SLIT3: variants seen among roughly 807,000 people sequenced by gnomAD.
SLIT3 encodes slit guidance ligand 3, also known as slit homolog 3 protein.
SLIT3 carries 68 observed loss-of-function variants against 184.0 expected under a neutral mutation model. The ratio of observed to expected loss-of-function variants is 0.37; its 90% confidence interval spans 0.30 to 0.45. The LOEUF is 0.45. Among genes scored for constraint, SLIT3 ranks in the 20% least tolerant of loss-of-function variants. The probability of loss-of-function intolerance (pLI) is 1.00; values close to 1 mark genes in which losing one functional copy is unlikely to be tolerated. For missense variants in SLIT3, 1,707 were observed against 2,026.0 expected (o/e 0.84, Z 3.02); for synonymous variants, 831 against 828.6 (o/e 1.00, Z -0.05).
chr5:168,752,089 C>T (rs551125378), intron 18 of SLIT3, among the ~76,000 whole-genome samples: 13 of 152,288 alleles, frequency 8.5e-5, no homozygotes, highest in African/African-American at 3.1e-4. Context: ...TACTTAAGGT[C>T]TACTTAAAGG....
intron 3 of SLIT3, among the ~76,000 whole-genome samples, chr5:169,233,202 AC>A (rs1765068786): frequency 6.6e-6 from 1 of 151,692 alleles, no homozygotes; most frequent in African/African-American, 2.4e-5. Context: ...ATTTTTTATT[AC>A]TAGTAGAGAT....
intron 6 of SLIT3, among the ~76,000 whole-genome samples, chr5:168,832,590 C>T (rs1040651087): frequency 1.3e-5 from 2 of 152,156 alleles, no homozygotes; most frequent in African/African-American, 4.8e-5. Context: ...AACACAATTG[C>T]CTACGGGAGT....
intron 16 of SLIT3, among the ~76,000 whole-genome samples, chr5:168,759,742 G>A (rs1048872241): frequency 1.2e-4 from 18 of 152,168 alleles, no homozygotes; most frequent in African/African-American, 4.1e-4. Context: ...GGCACGGAGA[G>A]TCTTGACTTT....
chr5:168,684,801 A>C (rs914375259), intron 31 of SLIT3, among the ~76,000 whole-genome samples: 3 of 152,072 alleles, frequency 2.0e-5, no homozygotes, highest in African/African-American at 7.2e-5. Flanking sequence ...GCTAACAATG[A>C]TAATTAATTC....
chr5:169,215,908 C>T (rs919228168), intron 3 of SLIT3, among the ~76,000 whole-genome samples: 3 of 152,284 alleles, frequency 2.0e-5, no homozygotes, highest in East Asian at 1.9e-4. Context: ...TGGAGTACCA[C>T]TCTTTTAAAC....
At chr5:169,249,142 G>A (rs1471662134) in intron 2 of SLIT3, among the ~76,000 whole-genome samples, 1 of 152,180 alleles carries the variant, frequency 6.6e-6, no homozygotes, top group Non-Finnish European at 1.5e-5. Flanking sequence ...GAAAAATATG[G>A]TAAAAATGTC....
intron 20 of SLIT3, among the ~76,000 whole-genome samples, chr5:168,745,510 C>T (rs1290455282): frequency 6.6e-6 from 1 of 151,888 alleles, no homozygotes; most frequent in Admixed American, 6.6e-5. Flanking sequence ...CTCCCAGGTT[C>T]AAGCCATTCT....
Position 168,921,548 on chromosome 5 carries a change from T to G in SLIT3, c.414-38212A>C, listed in dbSNP as rs546470317. 2.0e-5 allele frequency among the ~76,000 whole-genome samples: 3 copies of G among 152,340 alleles called. No individual in the cohort carries two copies. The South Asian group carries it at 6.2e-4, about 32-fold the overall frequency. On this transcript the variant is annotated intron_variant, in intron 4 of 35. Coordinates refer to ENST00000519560, the MANE Select transcript of SLIT3 (RefSeq NM_003062.4). The stretch of plus-strand genomic sequence containing the variant: ...GGAAAAATGAGCGCATTAGTTCTCT[T>G]TTATTAAAAGAGTTATTTCAGCATG...
intron 7 of SLIT3, among the ~76,000 whole-genome samples, chr5:168,820,795 G>A (rs1397689910): frequency 2.6e-5 from 4 of 152,144 alleles, no homozygotes; most frequent in Admixed American, 1.3e-4. Flanking sequence ...AGCCACAGAC[G>A]CTAAATTAAA....
At chr5:169,061,786 T>A (rs919775519) in intron 4 of SLIT3, among the ~76,000 whole-genome samples, 2 of 152,132 alleles carry the variant, frequency 1.3e-5, no homozygotes, top group African/African-American at 4.8e-5. Context: ...TCATCATTCA[T>A]CTCAGATCAT....
At chr5:169,286,499 G>A (rs944206664) in intron 1 of SLIT3, among the ~76,000 whole-genome samples, 1 of 152,074 alleles carries the variant, frequency 6.6e-6, no homozygotes, top group African/African-American at 2.4e-5. Context: ...CAGAAGTGAG[G>A]ATGCATAGGG....
chr5:168,836,981 T>G (rs1758072671), intron 6 of SLIT3, among the ~76,000 whole-genome samples: 2 of 152,140 alleles, frequency 1.3e-5, no homozygotes, highest in South Asian at 4.1e-4. Context: ...TCAAAGTAAT[T>G]TTTACTTTTT....
At chr5:169,077,341 G>C (rs1336622735) in intron 4 of SLIT3, among the ~76,000 whole-genome samples, 1 of 152,008 alleles carries the variant, frequency 6.6e-6, no homozygotes, top group African/African-American at 2.4e-5. Flanking sequence ...TTCAAGACCA[G>C]CCTGGCCAAG....
At chr5:168,873,341 AT>A (rs1254000242) in intron 5 of SLIT3, among the ~76,000 whole-genome samples, 1 of 152,024 alleles carries the variant, frequency 6.6e-6, no homozygotes, top group African/African-American at 2.4e-5. Context: ...AAACAAGATA[AT>A]ACATATGGCC....
At chr5:168,787,015 A>G (rs1017419985) in intron 11 of SLIT3, among the ~76,000 whole-genome samples, 3 of 152,212 alleles carry the variant, frequency 2.0e-5, no homozygotes, top group Non-Finnish European at 4.4e-5. Flanking sequence ...GAGACAAAAT[A>G]TTAGGATGCG....
intron 4 of SLIT3, among the ~76,000 whole-genome samples, chr5:169,014,021 C>T (rs1015098938): frequency 1.4e-4 from 21 of 152,148 alleles, no homozygotes; most frequent in Middle Eastern, 3.4e-3. Context: ...CATAAAATGC[C>T]TCGCAAAAAC....
At chr5:169,043,172 G>A (rs1757506524) in intron 4 of SLIT3, among the ~76,000 whole-genome samples, 2 of 152,068 alleles carry the variant, frequency 1.3e-5, no homozygotes, top group South Asian at 4.1e-4. Context: ...GAAAAAAAAT[G>A]ACTTGCCCGA....
At chr5:168,873,525 G>A (rs888034668) in intron 5 of SLIT3, among the ~76,000 whole-genome samples, 2 of 151,948 alleles carry the variant, frequency 1.3e-5, no homozygotes, top group Non-Finnish European at 2.9e-5. Flanking sequence ...TAGCTACTTG[G>A]GAGGCTGAGG....
chr5:169,184,871 G>A (rs192259006), intron 4 of SLIT3, among the ~76,000 whole-genome samples: 86 of 152,306 alleles, frequency 5.6e-4, no homozygotes, highest in Non-Finnish European at 1.1e-3. Context: ...ATCCTTAGGT[G>A]TTCAGATACA....
Sources: allele counts gnomAD v4.1 joint callset (sites outside exome capture counted in the v4.1 genomes callset), GRCh38; gene constraint gnomAD v4.1.1; transcripts MANE v1.5; gene names NCBI Gene and HGNC (gene_info 2026-07-23, HGNC 2026-07-21).